NRXN3: variants seen among roughly 807,000 people sequenced by gnomAD.
The protein encoded by NRXN3 is neurexin III.
Under a neutral mutation model 137.6 loss-of-function variants are expected in NRXN3, and 32 were observed. That is an observed-to-expected ratio of 0.23 (90% CI 0.18 to 0.31). NRXN3 has a LOEUF of 0.31. NRXN3 is among the 10% of genes least tolerant of loss of function. The probability of loss-of-function intolerance (pLI) is 1.00; values close to 1 mark genes in which losing one functional copy is unlikely to be tolerated. For synonymous variants in NRXN3, 798 were observed against 784.5 expected, an observed-to-expected ratio of 1.02 and a Z score of -0.29; for missense variants, 1,574 against 2,062.5, an observed-to-expected ratio of 0.76 and a Z score of 4.59.
chr14:78,349,530 C>G (rs2083198313), intron 4 of NRXN3, among the ~76,000 whole-genome samples: 1 of 152,222 alleles, frequency 6.6e-6, no homozygotes, highest in South Asian at 2.1e-4. Flanking sequence ...AAGTAGCTCT[C>G]TATCTAAATG....
In NRXN3 at chr14:78,645,516, G is replaced by A. The variant is rs537089904; in HGVS notation, c.1059+95G>A. ...GGTGATGGGTGTGAGGTGGAGAGGGGTGGAGATTCAGGGATGGAGATGTTA... is the reference window on the plus strand; with the variant it reads ...GGTGATGGGTGTGAGGTGGAGAGGGATGGAGATTCAGGGATGGAGATGTTA... On this transcript the variant is annotated intron_variant, in intron 5 of 20. Coordinates refer to ENST00000335750, the MANE Select transcript of NRXN3 (RefSeq NM_001330195.2). 52 of 1,081,482 alleles carry A rather than the reference G, an allele frequency of 4.8e-5. No homozygotes were observed. The South Asian group carries it at 8.0e-4, about 17-fold the overall frequency. The allele number at this position is 1,081,482 out of a possible 1,614,324, so 67.0% of individuals were successfully genotyped here.
At chr14:78,728,577 G>A (rs1310048146) in intron 8 of NRXN3, among the ~76,000 whole-genome samples, 1 of 152,130 alleles carries the variant, frequency 6.6e-6, no homozygotes, top group African/African-American at 2.4e-5. Flanking sequence ...GATGAACCAG[G>A]TTTGGAGTCA....
chr14:79,488,692 C>G (rs1201995363), intron 16 of NRXN3, among the ~76,000 whole-genome samples: 1 of 152,160 alleles, frequency 6.6e-6, no homozygotes, highest in Non-Finnish European at 1.5e-5. Context: ...GGTCATTGAC[C>G]AGAAACTCTG....
chr14:79,255,079 C>T (rs370288983), intron 15 of NRXN3, among the ~76,000 whole-genome samples: 69 of 152,278 alleles, frequency 4.5e-4, no homozygotes, highest in Middle Eastern at 6.8e-3. Context: ...CAATTAAAGA[C>T]GACACAATGA....
At chr14:79,096,640 C>T (rs1219684114) in intron 15 of NRXN3, among the ~76,000 whole-genome samples, 1 of 151,918 alleles carries the variant, frequency 6.6e-6, no homozygotes, top group Non-Finnish European at 1.5e-5. Context: ...CTATATCAGC[C>T]ACCATACTTG....
chr14:79,000,487 A>G (rs1317945470), intron 15 of NRXN3, among the ~76,000 whole-genome samples: 1 of 152,202 alleles, frequency 6.6e-6, no homozygotes, highest in Non-Finnish European at 1.5e-5. Context: ...TGTTTGGCAT[A>G]AAGCCCCTTT....
At chr14:79,527,768 G>A (rs2097134012) in intron 16 of NRXN3, among the ~76,000 whole-genome samples, 1 of 151,742 alleles carries the variant, frequency 6.6e-6, no homozygotes, top group Admixed American at 6.6e-5. Context: ...CTACTTGGGA[G>A]GTTGAGGCAG....
intron 5 of NRXN3, among the ~76,000 whole-genome samples, chr14:78,647,599 C>T (rs2097699908): frequency 6.6e-6 from 1 of 152,128 alleles, no homozygotes; most frequent in African/African-American, 2.4e-5. Flanking sequence ...GATACAGAGG[C>T]CCTACAGTAT....
chr14:78,747,429 A>G (rs548731259), intron 8 of NRXN3, among the ~76,000 whole-genome samples: 1 of 152,352 alleles, frequency 6.6e-6, no homozygotes, highest in Non-Finnish European at 1.5e-5. Flanking sequence ...TGCTAAGGCT[A>G]GATAACTGGT....
intron 15 of NRXN3, among the ~76,000 whole-genome samples, chr14:79,308,913 A>G (rs1220885887): frequency 1.1e-5 from 1 of 93,670 alleles, no homozygotes; most frequent in East Asian, 2.7e-4. Flanking sequence ...TTATTTATTT[A>G]TTTATTTATT....
chr14:79,470,148 G>T (rs775304918), intron 16 of NRXN3, among the ~76,000 whole-genome samples: 1 of 152,160 alleles, frequency 6.6e-6, no homozygotes, highest in Non-Finnish European at 1.5e-5. Flanking sequence ...TAAGGCAGAA[G>T]ATGCTATTTC....
In NRXN3 at chr14:79,593,397, G is replaced by A. The variant is rs527631499; in HGVS notation, c.3445-70381G>A. Among the ~76,000 whole-genome samples, 12 of 152,088 alleles carry A rather than the reference G, an allele frequency of 7.9e-5. 1 individual carries two copies. The highest frequency in any genetic ancestry group is 1.6e-4 in the Non-Finnish European group (11 of 68,014). The stretch of plus-strand genomic sequence containing the variant: ...TGTAATCCCAGCACTTTGGGAGGCC[G>A]AGGCGTGCGGATCACCAGGTCAGGA... On this transcript the variant is annotated intron_variant, in intron 16 of 20. Transcript: ENST00000335750.
At chr14:78,970,003 C>G (rs968672624) in intron 14 of NRXN3, among the ~76,000 whole-genome samples, 2 of 152,022 alleles carry the variant, frequency 1.3e-5, no homozygotes, top group Non-Finnish European at 2.9e-5. Context: ...CTGGAATAGA[C>G]GTAGCATTTG....
chr14:78,510,942 A>G (rs1183589322), intron 4 of NRXN3, among the ~76,000 whole-genome samples: 1 of 152,208 alleles, frequency 6.6e-6, no homozygotes, highest in African/African-American at 2.4e-5. Context: ...TCTTTGGAGA[A>G]AATTTTATGA....
chr14:79,068,490 C>T (rs527932483), intron 15 of NRXN3, among the ~76,000 whole-genome samples: 3 of 152,042 alleles, frequency 2.0e-5, no homozygotes, highest in Non-Finnish European at 4.4e-5. Context: ...ATATTTATAT[C>T]TTAATAAATG....
intron 16 of NRXN3, among the ~76,000 whole-genome samples, chr14:79,547,015 A>G (rs1173463774): frequency 2.0e-5 from 3 of 152,138 alleles, no homozygotes; most frequent in African/African-American, 7.2e-5. Flanking sequence ...ATAGTCCCCT[A>G]ACTTACCAAC....
intron 8 of NRXN3, among the ~76,000 whole-genome samples, chr14:78,784,094 AAATT>A (rs2098780477): frequency 6.6e-6 from 1 of 152,028 alleles, no homozygotes; most frequent in Non-Finnish European, 1.5e-5. Context: ...ACACCAAACA[AAATT>A]AATTAGATAT....
intron 8 of NRXN3, among the ~76,000 whole-genome samples, chr14:78,773,299 G>A (rs537261074): frequency 6.6e-6 from 1 of 152,240 alleles, no homozygotes; most frequent in East Asian, 1.9e-4. Context: ...GAGAGTCTGA[G>A]GGTCATCTAT....
chr14:78,595,193 A>G (rs1008248455), intron 4 of NRXN3, among the ~76,000 whole-genome samples: 4 of 152,236 alleles, frequency 2.6e-5, no homozygotes, highest in African/African-American at 7.2e-5. Flanking sequence ...ATTTTAGCTG[A>G]GACATCAGTG....
Sources: gnomAD v4.1 joint callset for allele counts (sites outside exome capture counted in the v4.1 genomes callset) on GRCh38, gnomAD v4.1.1 for gene constraint, MANE v1.5 for transcripts, NCBI Gene and HGNC (gene_info 2026-07-23, HGNC 2026-07-21) for gene names.